TCERG1L: variants seen among roughly 807,000 people sequenced by gnomAD.
TCERG1L encodes the protein transcription elongation regulator 1-like protein.
Under a neutral mutation model 56.3 loss-of-function variants are expected in TCERG1L, and 37 were observed. The observed-to-expected ratio is 0.66, with a 90% CI of 0.51 to 0.87. TCERG1L has a LOEUF of 0.87. TCERG1L is among the 40% of genes least tolerant of loss of function. The pLI, the probability that TCERG1L is intolerant of heterozygous loss-of-function variation, is 0.00. For missense variants in TCERG1L, 799 were observed against 774.2 expected (o/e 1.03, Z -0.38); for synonymous variants, 324 against 326.3 (o/e 0.99, Z 0.08).
chr10:131,179,956 A>G (rs957616396), intron 4 of TCERG1L, among the ~76,000 whole-genome samples: 2 of 152,152 alleles, frequency 1.3e-5, no homozygotes, highest in African/African-American at 4.8e-5. Flanking sequence ...AAGAGCTGGC[A>G]ATGATTTCTT....
At chr10:131,271,147 C>T (rs1444893894) in intron 3 of TCERG1L, among the ~76,000 whole-genome samples, 1 of 73,030 alleles carries the variant, frequency 1.4e-5, no homozygotes, top group Non-Finnish European at 3.9e-5. Flanking sequence ...CTTCCAGAAC[C>T]TGCCTCCAGA....
chr10:131,263,085 G>C (rs893167567), intron 3 of TCERG1L, among the ~76,000 whole-genome samples: 1 of 152,158 alleles, frequency 6.6e-6, no homozygotes, highest in African/African-American at 2.4e-5. Context: ...TTTATGGTAA[G>C]AGTGTGTTTT....
intron 7 of TCERG1L, among the ~76,000 whole-genome samples, chr10:131,138,872 T>A (rs1374691553): frequency 4.6e-5 from 7 of 152,142 alleles, no homozygotes; most frequent in African/African-American, 1.7e-4. Context: ...AGAAAAAAAA[T>A]CAAGGACAAC....
intron 4 of TCERG1L, among the ~76,000 whole-genome samples, chr10:131,231,725 G>T (rs573558086): frequency 6.6e-6 from 1 of 152,176 alleles, no homozygotes; most frequent in East Asian, 1.9e-4. Context: ...CACGTGGGGG[G>T]AAGTCAGTGC....
At chr10:131,221,089 G>T (rs556180130) in intron 4 of TCERG1L, among the ~76,000 whole-genome samples, 8 of 152,150 alleles carry the variant, frequency 5.3e-5, no homozygotes, top group Non-Finnish European at 1.2e-4. Flanking sequence ...ACACCTGCAG[G>T]GTGGTCACTG....
At chr10:131,164,424 A>G (rs1428017517) in intron 5 of TCERG1L, among the ~76,000 whole-genome samples, 3 of 152,258 alleles carry the variant, frequency 2.0e-5, no homozygotes, top group Non-Finnish European at 4.4e-5. Context: ...CGAAATAACC[A>G]AATTCTTACC....
chr10:131,280,528 T>C (rs1025070240), intron 3 of TCERG1L, among the ~76,000 whole-genome samples: 7 of 152,164 alleles, frequency 4.6e-5, no homozygotes, highest in Admixed American at 6.5e-5. Context: ...CATACAGAGA[T>C]GCACTTATCT....
At chr10:131,105,912 CA>C (rs1201944255) in intron 9 of TCERG1L, among the ~76,000 whole-genome samples, 1 of 152,196 alleles carries the variant, frequency 6.6e-6, no homozygotes, top group Non-Finnish European at 1.5e-5. Flanking sequence ...GTGCCTCTGA[CA>C]GGTGCTCATC....
In TCERG1L at chr10:131,302,988, C is replaced by T. The variant is rs192264665; in HGVS notation, c.670+5223G>A. ...TTTTTTATGGCTGCATAGTATTCCA[C>T]GGTGTATATGTGCCACATTTTCTTT... On this transcript the variant is annotated intron_variant, in intron 3 of 11. Transcript: ENST00000368642. Among the ~76,000 whole-genome samples, 224 of 152,018 alleles carry T rather than the reference C, an allele frequency of 1.5e-3. 3 individuals are homozygous for T. Among genetic ancestry groups the T allele is most frequent in the African/African-American group, 5.0e-3 (208 of 41,348 alleles).
intron 3 of TCERG1L, among the ~76,000 whole-genome samples, chr10:131,287,431 T>G (rs1846558060): frequency 6.6e-6 from 1 of 152,232 alleles, no homozygotes; most frequent in Non-Finnish European, 1.5e-5. Context: ...CCTAGTTGTT[T>G]AAAATGATAT....
At position 131,186,113 on chromosome 10, in the gene TCERG1L, T is replaced by C. The variant is rs117560878; in HGVS notation, c.857-19228A>G. Among the ~76,000 whole-genome samples the C allele has an allele frequency of 7.2e-3, 1,099 of 152,254 alleles. 29 individuals carry two copies. In the South Asian group the frequency reaches 0.094, roughly 13 times the overall value. ...AGTTAGAAAAGCCAGACACAAAAGG[T>C]CACCTATTGTGTGGTTCATTTACCT... On this transcript the variant is annotated intron_variant, in intron 4 of 11. Coordinates refer to ENST00000368642, the MANE Select transcript of TCERG1L (RefSeq NM_174937.4).
chr10:131,188,711 T>C (rs1845273391), intron 4 of TCERG1L, among the ~76,000 whole-genome samples: 1 of 152,228 alleles, frequency 6.6e-6, no homozygotes, highest in South Asian at 2.1e-4. Context: ...TTTGCACTTT[T>C]CTTTTAAAAC....
rs186009211 is a variant in TCERG1L at position 131,192,512 on chromosome 10, T to C, written c.857-25627A>G. Among the ~76,000 whole-genome samples the C allele has an allele frequency of 2.0e-3, 283 of 144,278 alleles. 46 individuals carry two copies. The highest frequency in any genetic ancestry group is 7.2e-3 in the African/African-American group (275 of 38,396). The allele number at this position is 144,278 out of a possible 152,430, so 94.7% of individuals were successfully genotyped here. ...CTACCATTTGATCCAGCAATCCCAC[T>C]ACTGGGGGTCTACCCAAAGGAAAAT... On this transcript the variant is annotated intron_variant, in intron 4 of 11. Coordinates refer to ENST00000368642, the MANE Select transcript of TCERG1L (RefSeq NM_174937.4).
intron 8 of TCERG1L, among the ~76,000 whole-genome samples, chr10:131,127,458 C>G (rs1241976742): frequency 2.0e-5 from 3 of 152,230 alleles, no homozygotes; most frequent in Non-Finnish European, 2.9e-5. Context: ...TGAGCAGAAG[C>G]CTTCTGGGGT....
intron 4 of TCERG1L, among the ~76,000 whole-genome samples, chr10:131,258,399 C>T (rs1257351660): frequency 1.3e-5 from 2 of 152,170 alleles, no homozygotes; most frequent in East Asian, 1.9e-4. Flanking sequence ...CAGAGGAGGC[C>T]GCCAGGGCAG....
chr10:131,257,925 C>T (rs1156480827), intron 4 of TCERG1L, among the ~76,000 whole-genome samples: 2 of 152,212 alleles, frequency 1.3e-5, no homozygotes, highest in Non-Finnish European at 2.9e-5. Flanking sequence ...CAAATAAAAA[C>T]AGGATTATTC....
chr10:131,296,794 T>C (rs376397558), intron 3 of TCERG1L, among the ~76,000 whole-genome samples: 25 of 152,264 alleles, frequency 1.6e-4, no homozygotes, highest in African/African-American at 5.8e-4. Context: ...TAATGTTTCA[T>C]GATTTTCACA....
At chr10:131,199,127 C>T (rs193112837) in intron 4 of TCERG1L, among the ~76,000 whole-genome samples, 3 of 152,300 alleles carry the variant, frequency 2.0e-5, no homozygotes, top group East Asian at 1.9e-4. Context: ...CTTGGCAGCC[C>T]CAGGCTCTCT....
At chr10:131,102,805 G>A (rs1328896318) in intron 10 of TCERG1L, among the ~76,000 whole-genome samples, 2 of 152,064 alleles carry the variant, frequency 1.3e-5, no homozygotes, top group South Asian at 2.1e-4. Context: ...CGTGATCCAC[G>A]GGCCACACAA....
Sources: allele counts gnomAD v4.1 joint callset (sites outside exome capture counted in the v4.1 genomes callset), GRCh38; gene constraint gnomAD v4.1.1; transcripts MANE v1.5; gene names NCBI Gene and HGNC (gene_info 2026-07-23, HGNC 2026-07-21).